Variants in WDR41 observed in about 807,000 individuals in gnomAD.
The protein encoded by WDR41 is WD repeat domain 41.
WDR41 carries 63 observed loss-of-function variants against 69.3 expected under a neutral mutation model. That is an observed-to-expected ratio of 0.91 (90% CI 0.74 to 1.12). The LOEUF is 1.12. Ranked by LOEUF, WDR41 falls within the 50% of genes most tolerant of loss-of-function variation. WDR41 has a pLI of 0.00. For synonymous variants in WDR41, 185 were observed against 192.1 expected (o/e 0.96, Z 0.31); for missense variants, 543 against 534.5 (o/e 1.02, Z -0.16).
intron 1 of WDR41, among the ~76,000 whole-genome samples, chr5:77,615,524 T>C (rs2112348679): frequency 6.6e-6 from 1 of 152,062 alleles, no homozygotes; most frequent in South Asian, 2.1e-4. Context: ...TGAATATGTT[T>C]GAAGTATTTT....
intron 1 of WDR41, among the ~76,000 whole-genome samples, chr5:77,565,755 A>T (rs1344390331): frequency 6.6e-6 from 1 of 151,922 alleles, no homozygotes; most frequent in African/African-American, 2.4e-5. Context: ...TCTGCCTCCT[A>T]TTGTGATTTA....
At chr5:77,464,075 C>G (rs2151324741) in intron 3 of WDR41, among the ~76,000 whole-genome samples, 1 of 151,778 alleles carries the variant, frequency 6.6e-6, no homozygotes, top group African/African-American at 2.4e-5. Flanking sequence ...AATATTAAGT[C>G]AAACATGAGA....
At position 77,614,661 on chromosome 5, in the gene WDR41, G is replaced by C. The variant is rs1354570512; in HGVS notation, c.42+5818C>G. 5.8e-5 allele frequency among the ~76,000 whole-genome samples: 7 copies of C among 121,472 alleles called. No homozygotes were observed. In the East Asian group the frequency reaches 1.4e-3, roughly 24 times the overall value. 79.7% of individuals were successfully genotyped at this position (121,472 alleles called of 152,430 possible). ...GGGACTGTTGTGGGGTGGGGGGGGA[G>C]GGGGGAGGGATAGCATTAGGAGATA... is the stretch of plus-strand genomic sequence containing the variant. On this transcript the variant is annotated intron_variant, in intron 1 of 5. Coordinates refer to the WDR41 transcript ENST00000509971.
At chr5:77,604,885 A>G (rs1250540510) in intron 1 of WDR41, among the ~76,000 whole-genome samples, 1 of 151,862 alleles carries the variant, frequency 6.6e-6, no homozygotes, top group East Asian at 1.9e-4. Flanking sequence ...TGTACAGAAC[A>G]GGGAAACAGA....
intron 2 of WDR41, among the ~76,000 whole-genome samples, chr5:77,481,779 C>T (rs1435071160): frequency 9.6e-6 from 1 of 103,754 alleles, no homozygotes; most frequent in Non-Finnish European, 1.8e-5. Flanking sequence ...AGCGAGACTC[C>T]GTCTCAAAAA....
chr5:77,507,536 T>C (rs148228519), intron 1 of WDR41, among the ~76,000 whole-genome samples: 1,655 of 152,322 alleles, frequency 0.011, 24 homozygotes, highest in African/African-American at 0.037. Context: ...ACATGAAACT[T>C]TCCTCACCTC....
rs56917623 is a variant in WDR41 at position 77,504,143 on chromosome 5, G to GA, written c.43-14572dup. Among the ~76,000 whole-genome samples, 1,404 of 143,404 alleles carry GA rather than the reference G, an allele frequency of 9.8e-3. 24 individuals carry two copies. The highest frequency in any genetic ancestry group is 0.031 in the African/African-American group (1,213 of 39,372). 94.1% of individuals were successfully genotyped at this position (143,404 alleles called of 152,430 possible). A position where few individuals can be genotyped will look rare whatever the true frequency, so the allele number is the denominator to read the frequency against. Reference sequence around the variant, plus strand: ...ATAGACTGCTAGCAAGACTAATAAAGAAAAAAAAAAGAGAAGAATCAAATA... The same window carrying GA: ...ATAGACTGCTAGCAAGACTAATAAAGAAAAAAAAAAAGAGAAGAATCAAATA... On this transcript the variant is annotated intron_variant, in intron 1 of 5. Transcript: ENST00000509971.
chr5:77,556,035 G>GAGAACCC (rs1743382792), intron 1 of WDR41, among the ~76,000 whole-genome samples: 1 of 149,078 alleles, frequency 6.7e-6, no homozygotes, highest in Admixed American at 6.7e-5. Context: ...GTTGAAAACA[G>GAGAACCC]AGAACCCAGA....
At chr5:77,588,382 T>C (rs1001087290) in intron 1 of WDR41, among the ~76,000 whole-genome samples, 8 of 152,216 alleles carry the variant, frequency 5.3e-5, no homozygotes, top group African/African-American at 1.9e-4. Flanking sequence ...CATTCTCCTG[T>C]GTGATTTTTT....
intron 8 of WDR41, among the ~76,000 whole-genome samples, chr5:77,445,369 T>C (rs954797696): frequency 6.6e-6 from 1 of 152,200 alleles, no homozygotes; most frequent in African/African-American, 2.4e-5. Context: ...GCTGGTACCA[T>C]TCCTTGTGAA....
chr5:77,531,735 A>G (rs896787405), intron 1 of WDR41, among the ~76,000 whole-genome samples: 1 of 152,080 alleles, frequency 6.6e-6, no homozygotes, highest in Non-Finnish European at 1.5e-5. Flanking sequence ...TCATAGCAGC[A>G]TTATTCACAA....
intron 1 of WDR41, among the ~76,000 whole-genome samples, chr5:77,576,882 T>A (rs1304907930): frequency 6.6e-6 from 1 of 152,206 alleles, no homozygotes; most frequent in Non-Finnish European, 1.5e-5. Flanking sequence ...TTAAAGTTAT[T>A]TTTAAGATTA....
rs1164957690 is a variant in WDR41 at position 77,463,167 on chromosome 5, T to C, written c.276A>G (p.Thr92=). ...GHTQKITAII[T]FPSLESCEEK... ...CTTCACAAGATTCCAAGGAAGGAAATGTAATAATAGCTGTTATCTTTTGAG... is the reference window on the plus strand; with the variant it reads ...CTTCACAAGATTCCAAGGAAGGAAACGTAATAATAGCTGTTATCTTTTGAG... Residue 92 remains threonine, a synonymous_variant, in exon 4 of 13, where the codon ACA becomes ACG. Transcript: ENST00000296679. 1 of 1,612,808 alleles carries C rather than the reference T, an allele frequency of 6.2e-7. No individual in the cohort carries two copies. Among genetic ancestry groups the C allele is most frequent in the Non-Finnish European group, 8.5e-7 (1 of 1,179,372 alleles).
At chr5:77,471,567 A>G (rs1348193881) in intron 2 of WDR41, among the ~76,000 whole-genome samples, 1 of 152,176 alleles carries the variant, frequency 6.6e-6, no homozygotes, top group Admixed American at 6.6e-5. Context: ...AGAATCAAAT[A>G]GACGCAATAA....
chr5:77,471,972 A>G (rs1054411722), intron 2 of WDR41, among the ~76,000 whole-genome samples: 1 of 152,210 alleles, frequency 6.6e-6, no homozygotes, highest in Non-Finnish European at 1.5e-5. Flanking sequence ...CATAACCAAA[A>G]AAGAGAATTT....
At chr5:77,433,675 A>G (rs1798818056) in intron 12 of WDR41, among the ~76,000 whole-genome samples, 1 of 152,248 alleles carries the variant, frequency 6.6e-6, no homozygotes, top group Non-Finnish European at 1.5e-5. Flanking sequence ...CTATAAAAGT[A>G]GATATACTCA....
chr5:77,483,092 T>A (rs1801353804), intron 2 of WDR41, among the ~76,000 whole-genome samples: 1 of 152,176 alleles, frequency 6.6e-6, no homozygotes, highest in East Asian at 1.9e-4. Context: ...CTTTGTCTTG[T>A]CACTCAACAA....
intron 8 of WDR41, among the ~76,000 whole-genome samples, chr5:77,442,896 A>G (rs1324625865): frequency 6.9e-6 from 1 of 145,502 alleles, no homozygotes; most frequent in Non-Finnish European, 1.5e-5. Flanking sequence ...TGTCTCCCCA[A>G]AAAAAAAAAA....
chr5:77,489,594 A>C, intron 1 of WDR41, 22 bp from the exon 2 acceptor site: 1 of 1,460,966 alleles, frequency 6.8e-7, no homozygotes, highest in Non-Finnish European at 9.4e-7. Context: ...AAAAAAAAAA[A>C]AGCAAAAAAC....
Sources: gnomAD v4.1 joint callset for allele counts (sites outside exome capture counted in the v4.1 genomes callset) on GRCh38, gnomAD v4.1.1 for gene constraint, MANE v1.5 for transcripts, NCBI Gene and HGNC (gene_info 2026-07-23, HGNC 2026-07-21) for gene names.